Variants in RFK observed in about 807,000 individuals in gnomAD.
RFK encodes the protein riboflavin kinase.
RFK carries 4 observed loss-of-function variants against 17.6 expected under a neutral mutation model. That is an observed-to-expected ratio of 0.23 (90% CI 0.11 to 0.52). The LOEUF is 0.52. Ranked by LOEUF, RFK falls within the 20% of genes least tolerant of loss-of-function variation. The probability of loss-of-function intolerance (pLI) is 0.96; values close to 1 mark genes in which losing one functional copy is unlikely to be tolerated. For missense variants in RFK, 189 were observed against 187.7 expected (o/e 1.01, Z -0.04); for synonymous variants, 59 against 63.8 (o/e 0.92, Z 0.36).
Position 76,385,663 on chromosome 9 carries a change from T to G in RFK, c.*1736A>C, listed in dbSNP as rs1321683143. ...CAATTAACCCCTAAACAACACACTATCTGATTCTCAAAAGCAATGGCTATT... is the reference window on the plus strand; with the variant it reads ...CAATTAACCCCTAAACAACACACTAGCTGATTCTCAAAAGCAATGGCTATT... On this transcript the variant is annotated 3_prime_UTR_variant, in exon 4 of 4. Coordinates refer to ENST00000376736, the MANE Select transcript of RFK (RefSeq NM_018339.6). 2 of 152,178 alleles carry G rather than the reference T, an allele frequency of 1.3e-5. No homozygotes were observed. The highest frequency in any genetic ancestry group is 2.9e-5 in the Non-Finnish European group (2 of 68,020). 9.4% of individuals were successfully genotyped at this position (152,178 alleles called of 1,614,324 possible). A position where few individuals can be genotyped will look rare whatever the true frequency, so the allele number is the denominator to read the frequency against.
Position 76,394,105 on chromosome 9 carries a change from G to A in RFK, c.67C>T (p.Leu23=). The A allele has an allele frequency of 1.2e-6, 2 of 1,607,738 alleles. No homozygotes were observed. The highest frequency in any genetic ancestry group is 8.5e-7 in the Non-Finnish European group (1 of 1,178,152). The part of the protein sequence containing the change: ...VRGFGRGSKQ[L]GIPTANFPEQ... The stretch of plus-strand genomic sequence containing the variant: ...CTGCTCTCACCTGTGGGGATGCCCA[G>A]CTGCTTGGAGCCGCGGCCGAAGCCC... The change falls in exon 1 of 4, where the codon CTG becomes TTG. Residue 23 remains leucine, a synonymous_variant. Coordinates refer to ENST00000376736, the MANE Select transcript of RFK (RefSeq NM_018339.6).
chr9:76,389,545 A>C (rs1255205400), intron 2 of RFK, among the ~76,000 whole-genome samples: 1 of 152,224 alleles, frequency 6.6e-6, no homozygotes, highest in African/African-American at 2.4e-5. Context: ...GGATCACTTG[A>C]GGTCAAGAGT....
At position 76,387,215 on chromosome 9, in the gene RFK, G is replaced by A. The variant is rs1822746810; in HGVS notation, c.*184C>T. 1 of 505,478 alleles carries A rather than the reference G, an allele frequency of 2.0e-6. No homozygotes were observed. Among genetic ancestry groups the A allele is most frequent in the South Asian group, 3.3e-5 (1 of 29,932 alleles). 31.3% of individuals were successfully genotyped at this position (505,478 alleles called of 1,614,324 possible). A position where few individuals can be genotyped will look rare whatever the true frequency, so the allele number is the denominator to read the frequency against. ...TTATTTTTAACTCAATCTTTTTAGTGCTATGATATGATGGGCTTAATTTAA... is the reference window on the plus strand; with the variant it reads ...TTATTTTTAACTCAATCTTTTTAGTACTATGATATGATGGGCTTAATTTAA... On this transcript the variant is annotated 3_prime_UTR_variant, in exon 4 of 4. Coordinates refer to ENST00000376736, the MANE Select transcript of RFK (RefSeq NM_018339.6).
intron 2 of RFK, 37 bp from the exon 3 acceptor site, chr9:76,388,693 C>G: frequency 8.5e-7 from 1 of 1,182,042 alleles, no homozygotes; most frequent in Non-Finnish European, 1.3e-6. Flanking sequence ...TGCTATCAGA[C>G]TACAGTGTAC....
At chr9:76,390,280 C>T (rs1250609526) in intron 2 of RFK, among the ~76,000 whole-genome samples, 3 of 152,270 alleles carry the variant, frequency 2.0e-5, no homozygotes, top group Admixed American at 6.5e-5. Context: ...AGACAAGTAT[C>T]TTCATGACTT....
At position 76,387,871 on chromosome 9, in the gene RFK, TG is replaced by T; in HGVS notation, c.338-343del. On this transcript the variant is annotated intron_variant, in intron 3 of 3. Transcript: ENST00000376736. The stretch of plus-strand genomic sequence containing the variant: ...AAAATTAGCGGGGTGTGATGGTGGG[TG>T]CCTGTAATCCCAGCTACTCAGGAAG... The T allele has an allele frequency of 1.4e-5, 3 of 221,682 alleles. No individual in the cohort carries two copies. In the South Asian group the frequency reaches 1.8e-4, roughly 13 times the overall value. 13.7% of individuals were successfully genotyped at this position (221,682 alleles called of 1,614,324 possible). A position where few individuals can be genotyped will look rare whatever the true frequency, so the allele number is the denominator to read the frequency against.
intron 2 of RFK, among the ~76,000 whole-genome samples, chr9:76,391,438 A>C (rs1250054538): frequency 1.3e-5 from 2 of 152,224 alleles, no homozygotes. Context: ...AGAGAAAAGC[A>C]CCAATGTGGG....
In RFK at chr9:76,387,417, T is replaced by G; in HGVS notation, c.450A>C (p.Lys150Asn). 1 of 1,608,580 alleles carries G rather than the reference T, an allele frequency of 6.2e-7. No homozygotes were observed. Reference sequence around the variant, plus strand: ...TTTTTCATCAGTGGCCATTCATTATTTTGCTTTTAGAAACCTGGAAGAAAT... The same window carrying G: ...TTTTTCATCAGTGGCCATTCATTATGTTGCTTTTAGAAACCTGGAAGAAAT... Reference protein sequence around the residue: ...EDNFFQVSKSKIMNGH With the variant: ...EDNFFQVSKSNIMNGH Residue 150 changes from lysine to asparagine, a missense_variant, in exon 4 of 4, where the codon AAA becomes AAC. Coordinates refer to ENST00000376736, the MANE Select transcript of RFK (RefSeq NM_018339.6).
Position 76,385,603 on chromosome 9 carries a change from A to G in RFK, c.*1796T>C, listed in dbSNP as rs1369354045. The G allele has an allele frequency of 2.0e-5, 3 of 152,250 alleles. No individual in the cohort carries two copies. The highest frequency in any genetic ancestry group is 4.4e-5 in the Non-Finnish European group (3 of 68,046). 9.4% of individuals were successfully genotyped at this position (152,250 alleles called of 1,614,324 possible). A position where few individuals can be genotyped will look rare whatever the true frequency, so the allele number is the denominator to read the frequency against. On this transcript the variant is annotated 3_prime_UTR_variant, in exon 4 of 4. Coordinates refer to ENST00000376736, the MANE Select transcript of RFK (RefSeq NM_018339.6). ...AATGGTACTACTGTAACTTCTTATAATACATAATATAAAAGTTTTTGAAAG... is the reference window on the plus strand; with the variant it reads ...AATGGTACTACTGTAACTTCTTATAGTACATAATATAAAAGTTTTTGAAAG...
intron 2 of RFK, among the ~76,000 whole-genome samples, chr9:76,389,889 A>G (rs1822794907): frequency 6.6e-6 from 1 of 152,246 alleles, no homozygotes; most frequent in Non-Finnish European, 1.5e-5. Context: ...ATGCTGCCCC[A>G]ATCAAAATCC....
intron 3 of RFK, 145 bp from the exon 4 acceptor site, chr9:76,387,674 T>G: frequency 2.9e-6 from 2 of 699,566 alleles, no homozygotes; most frequent in Non-Finnish European, 4.7e-6. Context: ...GTTCCATCAC[T>G]CCTTCCAGGC....
chr9:76,394,222 G>A lies in RFK; in HGVS notation c.-51C>T, dbSNP rs1464147812. On this transcript the variant is annotated 5_prime_UTR_variant, in exon 1 of 4. Transcript: ENST00000376736. The stretch of plus-strand genomic sequence containing the variant: ...TGCGGCCCGGTCTGCGCGTCCTGCG[G>A]AGCCGCCGTCGACGCGGCGCCCAGA... The A allele has an allele frequency of 2.6e-6, 4 of 1,539,172 alleles. No homozygotes were observed. The highest frequency in any genetic ancestry group is 1.2e-5 in the South Asian group (1 of 83,218).
chr9:76,393,836 C>G, intron 1 of RFK: 1 of 499,966 alleles, frequency 2.0e-6, no homozygotes, highest in Non-Finnish European at 3.6e-6. Context: ...GGGAATCCTG[C>G]GATTCATCTC....
In RFK at chr9:76,394,420, A is replaced by C. The variant is rs946328719; in HGVS notation, c.-249T>G. 1.2e-5 allele frequency: 5 copies of C among 417,580 alleles called. No homozygotes were observed. Among genetic ancestry groups the C allele is most frequent in the East Asian group, 4.4e-5 (1 of 22,476 alleles). The allele number at this position is 417,580 out of a possible 1,614,324, so 25.9% of individuals were successfully genotyped here. A position where few individuals can be genotyped will look rare whatever the true frequency, so the allele number is the denominator to read the frequency against. ...GCTGGAGGGCAGCGGAGACAGCCGAAGTAAGTGCCGGGTGTGAGCGGGGTG... is the reference window on the plus strand; with the variant it reads ...GCTGGAGGGCAGCGGAGACAGCCGACGTAAGTGCCGGGTGTGAGCGGGGTG... On this transcript the variant is annotated 5_prime_UTR_variant, in exon 1 of 4. Coordinates refer to ENST00000376736, the MANE Select transcript of RFK (RefSeq NM_018339.6).
In RFK at chr9:76,392,317, T is replaced by C. The variant is rs982428246; in HGVS notation, c.234+101A>G. ...CCAAAATTCCAGTATTTGAACTACG[T>C]TGTGATTACCACTGATAAGCTATTT... On this transcript the variant is annotated intron_variant, in intron 2 of 3. Transcript: ENST00000376736. 5 of 1,233,370 alleles carry C rather than the reference T, an allele frequency of 4.1e-6. No homozygotes were observed. In the African/African-American group the frequency reaches 5.9e-5, roughly 15 times the overall value. The allele number at this position is 1,233,370 out of a possible 1,614,324, so 76.4% of individuals were successfully genotyped here.
chr9:76,389,451 A>C (rs1822787150), intron 2 of RFK, among the ~76,000 whole-genome samples: 1 of 152,166 alleles, frequency 6.6e-6, no homozygotes, highest in African/African-American at 2.4e-5. Context: ...TTTGAATAAT[A>C]AAAAAGAAAC....
intron 3 of RFK, chr9:76,388,065 T>C: frequency 2.9e-6 from 1 of 344,382 alleles, no homozygotes; most frequent in South Asian, 2.2e-5. Context: ...GGCATAAATG[T>C]ACACTGCAAA....
intron 2 of RFK, among the ~76,000 whole-genome samples, chr9:76,389,467 T>C (rs1221336999): frequency 6.6e-6 from 1 of 152,078 alleles, no homozygotes; most frequent in Non-Finnish European, 1.5e-5. Flanking sequence ...GAAACTAAGA[T>C]ATGTAAGACT....
Position 76,394,135 on chromosome 9 carries a change from C to A in RFK, c.37G>T (p.Val13Leu). Residue 13 changes from valine (V) to leucine (L), a missense_variant, in exon 1 of 4, where the codon GTG (valine) becomes TTG (leucine). Physicochemically the swap from Val to Leu is conservative, Grantham distance 32. This residue lies in a region of RFK where 90 missense variants were observed against 75.4 expected (regional missense o/e 1.19). Coordinates refer to ENST00000376736, the MANE Select transcript of RFK (RefSeq NM_018339.6). ...HLPYFCRGQV[V>L]RGFGRGSKQL... ...TTGGAGCCGCGGCCGAAGCCCCGCACCACTTGACCCCGGCAGAAGTAAGGC... is the reference window on the plus strand; with the variant it reads ...TTGGAGCCGCGGCCGAAGCCCCGCAACACTTGACCCCGGCAGAAGTAAGGC... 6.2e-7 allele frequency: 1 copy of A among 1,609,868 alleles called. No individual in the cohort carries two copies. Among genetic ancestry groups the A allele is most frequent in the East Asian group, 2.2e-5 (1 of 44,756 alleles).
Sources: gnomAD v4.1 joint callset for allele counts (sites outside exome capture counted in the v4.1 genomes callset) on GRCh38, gnomAD v4.1.1 for gene constraint, gnomAD v4.1.1 regional missense constraint, MANE v1.5 for transcripts, NCBI Gene and HGNC (gene_info 2026-07-23, HGNC 2026-07-21) for gene names.